HIP1: variants seen among roughly 807,000 people sequenced by gnomAD.
HIP1 encodes huntingtin interacting protein 1.
Under a neutral mutation model 147.6 loss-of-function variants are expected in HIP1, and 65 were observed. That is an observed-to-expected ratio of 0.44 (90% confidence interval 0.36 to 0.54). HIP1 has a LOEUF of 0.54. Among genes scored for constraint, HIP1 ranks in the 20% least tolerant of loss-of-function variants. The pLI, the probability that HIP1 is intolerant of heterozygous loss-of-function variation, is 0.00. For missense variants in HIP1, 1,061 were observed against 1,299.6 expected, an observed-to-expected ratio of 0.82 and a Z score of 2.82; for synonymous variants, 479 against 504.0, an observed-to-expected ratio of 0.95 and a Z score of 0.67.
chr7:75,643,273 G>A (rs757437406), intron 1 of HIP1, among the ~76,000 whole-genome samples: 7 of 152,196 alleles, frequency 4.6e-5, no homozygotes, highest in African/African-American at 1.7e-4. Context: ...AGCAGTAGGC[G>A]TCTACAGAGG....
chr7:75,588,226 C>G (rs113215320), intron 4 of HIP1, among the ~76,000 whole-genome samples: 1 of 152,122 alleles, frequency 6.6e-6, no homozygotes, highest in African/African-American at 2.4e-5. Flanking sequence ...CTGGAGGAAC[C>G]TGCCTTCATT....
intron 1 of HIP1, among the ~76,000 whole-genome samples, chr7:75,682,131 G>A (rs1259202568): frequency 7.4e-6 from 1 of 136,052 alleles, no homozygotes; most frequent in Non-Finnish European, 1.5e-5. Context: ...GCTAATTTCT[G>A]TATTTTTAGT....
rs1234342558 is a variant in HIP1 at position 75,573,665 on chromosome 7, A to T, written c.745+96T>A. 6 of 1,263,290 alleles carry T rather than the reference A, an allele frequency of 4.7e-6. No homozygotes were observed. In the African/African-American group the frequency reaches 8.9e-5, roughly 19 times the overall value. 78.3% of individuals were successfully genotyped at this position (1,263,290 alleles called of 1,614,324 possible). ...GGAACAGAAGCAGACAGCCAAAGGC[A>T]CTGAGAAGGACTGCGTTTCTCTGGG... On this transcript the variant is annotated intron_variant, in intron 8 of 30. Coordinates refer to ENST00000336926, the MANE Select transcript of HIP1 (RefSeq NM_005338.7).
chr7:75,592,333 T>C (rs1796525607), intron 3 of HIP1, 39 bp downstream of exon 3: 3 of 1,578,870 alleles, frequency 1.9e-6, no homozygotes, highest in Non-Finnish European at 2.6e-6. Context: ...CCCACAAGGA[T>C]CCCTGGCTCC....
At chr7:75,688,389 C>T (rs555665042) in intron 1 of HIP1, among the ~76,000 whole-genome samples, 1 of 151,434 alleles carries the variant, frequency 6.6e-6, no homozygotes, top group African/African-American at 2.4e-5. Flanking sequence ...GCGCCGGGTC[C>T]GGGCTCCCAG....
At chr7:75,554,013 G>T in intron 21 of HIP1, 100 bp downstream of exon 21, 2 of 806,242 alleles carry the variant, frequency 2.5e-6, no homozygotes, top group Non-Finnish European at 4.1e-6. Flanking sequence ...CCAAAGTGCT[G>T]GAGTTACAGG....
chr7:75,624,750 A>C (rs1430985460), intron 1 of HIP1, among the ~76,000 whole-genome samples: 5 of 152,042 alleles, frequency 3.3e-5, no homozygotes, highest in Admixed American at 3.3e-4. Flanking sequence ...GTCCTGTCTA[A>C]TTTGACCCTC....
intron 1 of HIP1, among the ~76,000 whole-genome samples, chr7:75,627,859 G>A (rs1554508223): frequency 6.6e-6 from 1 of 152,178 alleles, no homozygotes; most frequent in Non-Finnish European, 1.5e-5. Flanking sequence ...GGGGAGCTGG[G>A]CACAGGGAAA....
chr7:75,572,165 A>C (rs1554496735), intron 8 of HIP1, among the ~76,000 whole-genome samples: 4 of 151,126 alleles, frequency 2.6e-5, no homozygotes. Flanking sequence ...CAGAGGTTGC[A>C]GTGAGCCGAG....
At chr7:75,583,756 T>TTGTGTGTGTGTGTGTGTG (rs60640180) in intron 5 of HIP1, among the ~76,000 whole-genome samples, 50 of 115,516 alleles carry the variant, frequency 4.3e-4, no homozygotes, top group South Asian at 1.9e-3. Context: ...GCGGGCTAAT[T>TTGTGTGTGTGTGTGTGTG]TGTGTGTGTG....
At chr7:75,636,024 C>CAAAAAAAA (rs34434184) in intron 1 of HIP1, among the ~76,000 whole-genome samples, 1 of 53,708 alleles carries the variant, frequency 1.9e-5, no homozygotes, top group Non-Finnish European at 3.2e-5. Context: ...GACCCTGTCT[C>CAAAAAAAA]AAAAAAAAAA....
At chr7:75,718,821 C>A (rs1351827814) in intron 1 of HIP1, among the ~76,000 whole-genome samples, 1 of 152,204 alleles carries the variant, frequency 6.6e-6, no homozygotes, top group Non-Finnish European at 1.5e-5. Context: ...GTAAGCACCT[C>A]CTGACATTTC....
At chr7:75,684,729 TC>T (rs1228847301) in intron 1 of HIP1, among the ~76,000 whole-genome samples, 1 of 152,184 alleles carries the variant, frequency 6.6e-6, no homozygotes, top group East Asian at 1.9e-4. Flanking sequence ...CAGTGAATAA[TC>T]CTGATCATAC....
intron 1 of HIP1, among the ~76,000 whole-genome samples, chr7:75,636,053 A>T (rs1798416179): frequency 7.2e-6 from 1 of 139,566 alleles, no homozygotes; most frequent in South Asian, 2.3e-4. Context: ...AAAAAAAATC[A>T]TGCAGAGGCC....
intron 1 of HIP1, among the ~76,000 whole-genome samples, chr7:75,706,473 C>CTTT (rs139655610): frequency 0.37 from 51,529 of 137,508 alleles, 9,894 homozygotes; most frequent in Non-Finnish European, 0.4. Flanking sequence ...TATATATCTT[C>CTTT]TTTTTTTTTA....
At chr7:75,563,438 C>T in intron 9 of HIP1, 175 bp from the exon 10 acceptor site, 1 of 605,062 alleles carries the variant, frequency 1.7e-6, no homozygotes, top group Non-Finnish European at 3.0e-6. Flanking sequence ...TTATTTAAAG[C>T]TGGTCCTCAG....
In HIP1 at chr7:75,568,791, T is replaced by C. The variant is rs896592762; in HGVS notation, c.746-535A>G. Among the ~76,000 whole-genome samples, 8 of 152,120 alleles carry C rather than the reference T, an allele frequency of 5.3e-5. No homozygotes were observed. The highest frequency in any genetic ancestry group is 4.4e-5 in the Non-Finnish European group (3 of 68,004). ...TGGGAGGCTGAGGCAGGAGAATCAC[T>C]TGAGGTCAGGAGTTCGAGACCAGCC... On this transcript the variant is annotated intron_variant, in intron 8 of 30. Transcript: ENST00000336926. The surrounding 1 kb of genome is among the most constrained non-coding windows in gnomAD (Gnocchi z 4.1).
intron 1 of HIP1, among the ~76,000 whole-genome samples, chr7:75,632,544 T>A (rs1312336020): frequency 5.4e-5 from 8 of 149,040 alleles, no homozygotes; most frequent in African/African-American, 2.0e-4. Context: ...CACACCACCA[T>A]GCCTGGCTAA....
At chr7:75,694,142 A>G (rs180725828) in intron 1 of HIP1, among the ~76,000 whole-genome samples, 26 of 152,026 alleles carry the variant, frequency 1.7e-4, no homozygotes, top group Admixed American at 1.0e-3. Flanking sequence ...CTTGTTTTGA[A>G]TTCCTAACCT....
Sources: gnomAD v4.1 joint callset for allele counts (sites outside exome capture counted in the v4.1 genomes callset) on GRCh38, gnomAD v4.1.1 for gene constraint, Gnocchi (gnomAD v3.1) non-coding constraint, MANE v1.5 for transcripts, NCBI Gene and HGNC (gene_info 2026-07-23, HGNC 2026-07-21) for gene names.